The following FAM184B variants were observed in gnomAD, a reference collection of about 807,000 sequenced individuals.
FAM184B encodes protein FAM184B.
In FAM184B, 111 loss-of-function variants were observed where a neutral mutation model predicts 135.9. That is an observed-to-expected ratio of 0.82 (90% CI 0.70 to 0.96). The LOEUF is 0.96. FAM184B is among the 40% of genes least tolerant of loss of function. The probability of loss-of-function intolerance (pLI) is 0.00; values close to 1 mark genes in which losing one functional copy is unlikely to be tolerated. For synonymous variants in FAM184B, 552 were observed against 524.8 expected (o/e 1.05, Z -0.71); for missense variants, 1,375 against 1,323.9 (o/e 1.04, Z -0.60).
At chr4:17,661,034 GA>G (rs1342866918) in intron 8 of FAM184B, among the ~76,000 whole-genome samples, 2 of 152,182 alleles carry the variant, frequency 1.3e-5, no homozygotes, top group Non-Finnish European at 1.5e-5. Context: ...AGCAGCATAG[GA>G]AGGTGGCCAA....
At chr4:17,765,679 T>C (rs1718656896) in intron 1 of FAM184B, among the ~76,000 whole-genome samples, 2 of 152,220 alleles carry the variant, frequency 1.3e-5, no homozygotes, top group African/African-American at 4.8e-5. Flanking sequence ...GTATTTGTTC[T>C]TGAAATTATG....
intron 1 of FAM184B, among the ~76,000 whole-genome samples, chr4:17,724,086 A>T (rs755691765): frequency 1.3e-5 from 2 of 150,632 alleles, no homozygotes; most frequent in African/African-American, 4.9e-5. Context: ...ATCTTTTAAA[A>T]AGAGGGAGGC....
intron 1 of FAM184B, among the ~76,000 whole-genome samples, chr4:17,717,152 T>G (rs1425775262): frequency 6.6e-6 from 1 of 152,184 alleles, no homozygotes; most frequent in Non-Finnish European, 1.5e-5. Context: ...ATTTCATCTC[T>G]CTGAAGCTCA....
At position 17,635,043 on chromosome 4, in the gene FAM184B, T is replaced by C. The variant is rs16895365; in HGVS notation, c.2855A>G (p.Asn952Ser). ...MSHRNRSFSF[N>S]PHPGYLTPSM... ...AGGGGTCAAATATCCCGGGTGAGGATTGAAAGAGAAAGACCGATTCCGGTG... is the reference window on the plus strand; with the variant it reads ...AGGGGTCAAATATCCCGGGTGAGGACTGAAAGAGAAAGACCGATTCCGGTG... The change falls in exon 16 of 18, where the codon AAT becomes AGT. Residue 952 changes from asparagine (N) to serine (S), a missense_variant. Physicochemically the swap from Asn to Ser is conservative, Grantham distance 46 (BLOSUM62 1). Transcript: ENST00000265018. The C allele has an allele frequency of 2.4e-3, 3,657 of 1,551,882 alleles. 87 individuals are homozygous for C. The African/African-American group carries it at 0.045, about 19-fold the overall frequency.
At chr4:17,639,095 A>G (rs911440943) in intron 14 of FAM184B, among the ~76,000 whole-genome samples, 155 bp downstream of exon 14, 1 of 152,116 alleles carries the variant, frequency 6.6e-6, no homozygotes, top group Non-Finnish European at 1.5e-5. Flanking sequence ...CAGCCTCCCA[A>G]AGTGCTGGAT....
intron 7 of FAM184B, 146 bp downstream of exon 7, chr4:17,688,278 A>T: frequency 2.5e-6 from 1 of 403,144 alleles, no homozygotes; most frequent in African/African-American, 2.1e-5. Context: ...TTTTGTGGTG[A>T]TTTTTTTTTT....
intron 1 of FAM184B, among the ~76,000 whole-genome samples, chr4:17,756,282 G>A (rs2108990537): frequency 6.6e-6 from 1 of 152,276 alleles, no homozygotes; most frequent in African/African-American, 2.4e-5. Flanking sequence ...AAAGATTACT[G>A]CAACCACGTC....
At position 17,769,994 on chromosome 4, in the gene FAM184B, C is replaced by A. The variant is rs529620466; in HGVS notation, c.141+11165G>T. 2.6e-5 allele frequency among the ~76,000 whole-genome samples: 4 copies of A among 152,296 alleles called. No individual in the cohort carries two copies. In the East Asian group the frequency reaches 7.7e-4, roughly 29 times the overall value. On this transcript the variant is annotated intron_variant, in intron 1 of 17. Coordinates refer to ENST00000265018, the MANE Select transcript of FAM184B (RefSeq NM_015688.2). Reference sequence around the variant, plus strand: ...TGAGCCAAGTTGGCTGAGTCTGGATCAGGCAGAGGAAACCAAGAGGACAAA... The same window carrying A: ...TGAGCCAAGTTGGCTGAGTCTGGATAAGGCAGAGGAAACCAAGAGGACAAA...
At chr4:17,642,314 G>A (rs1282065226) in intron 12 of FAM184B, 86 bp from the exon 13 acceptor site, 3 of 1,381,640 alleles carry the variant, frequency 2.2e-6, no homozygotes, top group South Asian at 1.6e-5. Context: ...GCGGCGAGAT[G>A]GAGACCCACT....
At chr4:17,762,186 T>C (rs1248309696) in intron 1 of FAM184B, among the ~76,000 whole-genome samples, 1 of 152,208 alleles carries the variant, frequency 6.6e-6, no homozygotes, top group African/African-American at 2.4e-5. Context: ...AAATATTTAC[T>C]GAGTGAATGA....
At chr4:17,685,028 C>T (rs116654803) in intron 7 of FAM184B, among the ~76,000 whole-genome samples, 1 of 151,798 alleles carries the variant, frequency 6.6e-6, no homozygotes, top group African/African-American at 2.4e-5. Flanking sequence ...GAAAAACACT[C>T]ACTGGGGCCT....
chr4:17,698,823 T>C (rs917799904), intron 5 of FAM184B, among the ~76,000 whole-genome samples: 17 of 152,160 alleles, frequency 1.1e-4, no homozygotes, highest in Non-Finnish European at 2.4e-4. Flanking sequence ...TAACTGCCTG[T>C]CAAAACAAAA....
intron 15 of FAM184B, among the ~76,000 whole-genome samples, chr4:17,635,684 A>AG (rs1428132988): frequency 3.3e-5 from 5 of 152,066 alleles, no homozygotes; most frequent in Non-Finnish European, 5.9e-5. Context: ...TTAAAAAAAA[A>AG]AAAACCCATG....
rs1220607897 is a variant in FAM184B at position 17,781,227 on chromosome 4, C to T, written c.73G>A (p.Gly25Ser). The T allele has an allele frequency of 1.7e-5, 26 of 1,550,842 alleles. No homozygotes were observed. Among genetic ancestry groups the T allele is most frequent in the South Asian group, 2.4e-5 (2 of 83,870 alleles). Reference protein sequence around the residue: ...CQGSKADGGAGWRMDCDPQMH... With the variant: ...CQGSKADGGASWRMDCDPQMH... ...TGGGGATCACAGTCCATTCTCCAGC[C>T]GGCGCCACCGTCGGCTTTGGAGCCC... The change falls in exon 1 of 18, where the codon GGC becomes AGC. Residue 25 changes from glycine to serine, a missense_variant. Physicochemically the swap from Gly to Ser is moderately conservative, Grantham distance 56 (BLOSUM62 0). Transcript: ENST00000265018. This position sits in a 1 kb window ranked among gnomAD's most constrained non-coding sequence, Gnocchi z 6.5.
At position 17,692,875 on chromosome 4, in the gene FAM184B, A is replaced by G. The variant is rs952308038; in HGVS notation, c.1488+427T>C. 1.3e-4 allele frequency among the ~76,000 whole-genome samples: 20 copies of G among 152,298 alleles called. No individual in the cohort carries two copies. In the East Asian group the frequency reaches 1.9e-3, roughly 15 times the overall value. ...TTAATTTCTTTTAAAATCAGAAAAA[A>G]GTATAGTCTGGATGATATTCATCTT... On this transcript the variant is annotated intron_variant, in intron 6 of 17. Transcript: ENST00000265018.
At chr4:17,636,448 G>T in intron 15 of FAM184B, 80 bp downstream of exon 15, 1 of 1,043,140 alleles carries the variant, frequency 9.6e-7, no homozygotes, top group Non-Finnish European at 1.4e-6. Context: ...AGAAATGCTG[G>T]GTGCAAGTGA....
intron 7 of FAM184B, 105 bp downstream of exon 7, chr4:17,688,319 A>T: frequency 2.5e-6 from 2 of 790,038 alleles, no homozygotes; most frequent in Non-Finnish European, 4.0e-6. Context: ...TCGAGGAGAG[A>T]TGTAAAAGAG....
intron 13 of FAM184B, among the ~76,000 whole-genome samples, chr4:17,639,816 G>A (rs1315837485): frequency 6.6e-6 from 1 of 151,282 alleles, no homozygotes; most frequent in African/African-American, 2.5e-5. Flanking sequence ...CACTGCAGTG[G>A]AAAGCCTCCC....
At chr4:17,641,987 T>A in intron 13 of FAM184B, 69 bp downstream of exon 13, 13 of 1,414,030 alleles carry the variant, frequency 9.2e-6, no homozygotes, top group Non-Finnish European at 1.0e-5. Flanking sequence ...CCAGCCGCAG[T>A]AGGGGGAGGG....
Sources: gnomAD v4.1 joint callset for allele counts (sites outside exome capture counted in the v4.1 genomes callset) on GRCh38, gnomAD v4.1.1 for gene constraint, Gnocchi (gnomAD v3.1) non-coding constraint, MANE v1.5 for transcripts, NCBI Gene and HGNC (gene_info 2026-07-23, HGNC 2026-07-21) for gene names.